PDE4D: variants seen among roughly 807,000 people sequenced by gnomAD.
PDE4D encodes 3',5'-cyclic-AMP phosphodiesterase 4D.
PDE4D carries 24 observed loss-of-function variants against 87.4 expected under a neutral mutation model. The observed-to-expected ratio is 0.27, with a 90% CI of 0.20 to 0.39. The LOEUF is 0.39. Ranked by LOEUF, PDE4D falls within the 10% of genes least tolerant of loss-of-function variation. The pLI is 1.00. For synonymous variants in PDE4D, 384 were observed against 383.2 expected (o/e 1.00, Z -0.02); for missense variants, 714 against 1,041.0 (o/e 0.69, Z 4.32).
chr5:60,337,388 TACACACACAC>T (rs370108536), intron 1 of PDE4D, among the ~76,000 whole-genome samples: 3 of 89,464 alleles, frequency 3.4e-5, no homozygotes, highest in Non-Finnish European at 4.4e-5. Context: ...TATATATATA[TACACACACAC>T]ACACACACAT....
chr5:59,009,834 T>C (rs1006822191), intron 6 of PDE4D, among the ~76,000 whole-genome samples: 1 of 152,194 alleles, frequency 6.6e-6, no homozygotes, highest in African/African-American at 2.4e-5. Flanking sequence ...TTATTTCAAT[T>C]CCAGATTTGC....
At chr5:60,261,862 C>T (rs139678413) in intron 1 of PDE4D, among the ~76,000 whole-genome samples, 4 of 152,154 alleles carry the variant, frequency 2.6e-5, no homozygotes, top group African/African-American at 9.6e-5. Context: ...TTGTTATTTC[C>T]TTGAACATCC....
chr5:60,037,133 G>A (rs1767899588), intron 2 of PDE4D, among the ~76,000 whole-genome samples: 1 of 152,158 alleles, frequency 6.6e-6, no homozygotes, highest in South Asian at 2.1e-4. Flanking sequence ...AACTAGATGA[G>A]AATGTATGTG....
In PDE4D at chr5:59,025,829, C is replaced by G. The variant is rs1040071012; in HGVS notation, c.921+13030G>C. Reference sequence around the variant, plus strand: ...TTGCCTCTTTGCTATGGACACATCCCCAGCAGGCCTGTACTTTCTACTCTC... The same window carrying G: ...TTGCCTCTTTGCTATGGACACATCCGCAGCAGGCCTGTACTTTCTACTCTC... On this transcript the variant is annotated intron_variant, in intron 6 of 14. Transcript: ENST00000340635. Among the ~76,000 whole-genome samples the G allele has an allele frequency of 6.6e-5, 10 of 152,338 alleles. No individual in the cohort carries two copies. In the East Asian group the frequency reaches 1.9e-3, roughly 29 times the overall value.
intron 5 of PDE4D, among the ~76,000 whole-genome samples, chr5:59,126,095 T>TAAAA (rs72194172): frequency 2.3e-5 from 3 of 127,866 alleles, no homozygotes; most frequent in Non-Finnish European, 4.8e-5. Flanking sequence ...AGTACAATTG[T>TAAAA]AAAAAAAAAA....
chr5:60,205,835 G>A (rs576692433), intron 1 of PDE4D, among the ~76,000 whole-genome samples: 7 of 152,080 alleles, frequency 4.6e-5, no homozygotes, highest in Non-Finnish European at 1.0e-4. Context: ...TGCAGTGAGC[G>A]GAGATCACCC....
intron 1 of PDE4D, among the ~76,000 whole-genome samples, chr5:59,291,308 T>C (rs1445157224): frequency 6.6e-6 from 1 of 152,100 alleles, no homozygotes; most frequent in Non-Finnish European, 1.5e-5. Flanking sequence ...GAGATAATTA[T>C]GTTAGGTGAA....
At chr5:60,299,269 A>G (rs1261791259) in intron 1 of PDE4D, among the ~76,000 whole-genome samples, 1 of 152,262 alleles carries the variant, frequency 6.6e-6, no homozygotes, top group African/African-American at 2.4e-5. Context: ...TAATCTTAAG[A>G]GAAAAATAGG....
At chr5:60,418,909 G>A (rs185457826) in intron 1 of PDE4D, among the ~76,000 whole-genome samples, 1 of 151,344 alleles carries the variant, frequency 6.6e-6, no homozygotes, top group Admixed American at 6.6e-5. Context: ...AAGTTAATCA[G>A]GGAAAGATTA....
Position 59,520,038 on chromosome 5 carries a change from G to T in PDE4D, c.456-304070C>A, listed in dbSNP as rs1450808042. Among the ~76,000 whole-genome samples the T allele has an allele frequency of 2.0e-5, 3 of 152,240 alleles. No individual in the cohort carries two copies. In the East Asian group the frequency reaches 5.8e-4, roughly 29 times the overall value. ...GCTTTTTTGGAGGCTGAGGTGGGGG[G>T]ATCACTTGAGGTCAGGAGTTTGAGA... On this transcript the variant is annotated intron_variant, in intron 1 of 14. Transcript: ENST00000340635.
chr5:59,279,458 G>A (rs751935655), intron 1 of PDE4D, among the ~76,000 whole-genome samples: 10 of 151,958 alleles, frequency 6.6e-5, no homozygotes, highest in Admixed American at 2.0e-4. Flanking sequence ...TGGATTCAAG[G>A]ACTTTCCTAC....
At chr5:59,975,308 C>A (rs1761207587) in intron 3 of PDE4D, among the ~76,000 whole-genome samples, 1 of 152,160 alleles carries the variant, frequency 6.6e-6, no homozygotes, top group Admixed American at 6.5e-5. Flanking sequence ...AAGGCAGTCA[C>A]CCTCTTCCCT....
chr5:59,131,597 A>AACAC (rs34161581), intron 5 of PDE4D, among the ~76,000 whole-genome samples: 4,013 of 117,922 alleles, frequency 0.034, 92 homozygotes, highest in East Asian at 0.086. Context: ...GCCAATTTAA[A>AACAC]ACACACACAC....
intron 1 of PDE4D, among the ~76,000 whole-genome samples, chr5:59,716,375 A>G (rs895947148): frequency 6.6e-6 from 1 of 152,204 alleles, no homozygotes; most frequent in East Asian, 1.9e-4. Context: ...GTGTTTTTCC[A>G]GCTACCCGCC....
At chr5:59,155,871 G>C (rs1004250823) in intron 5 of PDE4D, among the ~76,000 whole-genome samples, 2 of 152,110 alleles carry the variant, frequency 1.3e-5, no homozygotes, top group African/African-American at 4.8e-5. Flanking sequence ...TATGGCAAGA[G>C]GATGTAGGAG....
intron 1 of PDE4D, among the ~76,000 whole-genome samples, chr5:60,228,338 G>C (rs1745375205): frequency 6.6e-6 from 1 of 152,066 alleles, no homozygotes; most frequent in Admixed American, 6.6e-5. Context: ...GATTAGCAAA[G>C]GCTATGCAAA....
chr5:59,595,285 T>C (rs1318151058), intron 1 of PDE4D, among the ~76,000 whole-genome samples: 2 of 152,198 alleles, frequency 1.3e-5, no homozygotes, highest in Non-Finnish European at 2.9e-5. Context: ...TTTAACTAGA[T>C]TCAATATCAT....
chr5:59,404,831 T>C (rs996636277), intron 1 of PDE4D, among the ~76,000 whole-genome samples: 3 of 152,356 alleles, frequency 2.0e-5, no homozygotes, highest in Admixed American at 2.0e-4. Flanking sequence ...TTCTTCTGCA[T>C]ATAGATATCC....
chr5:59,217,120 A>C, intron 1 of PDE4D: 1 of 444,626 alleles, frequency 2.2e-6, no homozygotes, highest in East Asian at 7.0e-5. Flanking sequence ...TAGTCCTTAT[A>C]ATCTAGATAA....
Sources: allele counts gnomAD v4.1 joint callset (sites outside exome capture counted in the v4.1 genomes callset), GRCh38; gene constraint gnomAD v4.1.1; transcripts MANE v1.5; gene names NCBI Gene and HGNC (gene_info 2026-07-23, HGNC 2026-07-21).